Variants in NUP37 observed in about 807,000 individuals in gnomAD.
NUP37 encodes the protein nucleoporin Nup37.
Under a neutral mutation model 45.4 loss-of-function variants are expected in NUP37, and 33 were observed. The observed-to-expected ratio is 0.73, with a 90% CI of 0.55 to 0.97. The LOEUF (loss-of-function observed/expected upper bound fraction) is 0.97. Among genes scored for constraint, NUP37 ranks in the 50% least tolerant of loss-of-function variants. The pLI, the probability that NUP37 is intolerant of heterozygous loss-of-function variation, is 0.00. For synonymous variants in NUP37, 127 were observed against 130.7 expected (o/e 0.97, Z 0.19); for missense variants, 365 against 389.7 (o/e 0.94, Z 0.53).
In NUP37 at chr12:102,099,191, C is replaced by T. The variant is rs778176628; in HGVS notation, c.364G>A (p.Gly122Ser). Residue 122 changes from glycine to serine, a missense_variant, in exon 5 of 10, where the codon GGC (glycine) becomes AGC (serine). By Grantham distance (56) the Gly-to-Ser change is moderately conservative. Transcript: ENST00000552283. ...AAACCATTAATGAAATCGGTATGGC[C>T]CTCTAAAACCTGACAGAAAGAGAAA... ...QDKNEYKVLEGHTDFINGLVF... is the reference protein window; with the variant it reads ...QDKNEYKVLESHTDFINGLVF... 1 of 1,607,916 alleles carries T rather than the reference C, an allele frequency of 6.2e-7. No individual in the cohort carries two copies. The highest frequency in any genetic ancestry group is 1.1e-5 in the South Asian group (1 of 90,872).
chr12:102,106,329 A>G (rs1880154238), intron 3 of NUP37, among the ~76,000 whole-genome samples: 1 of 152,256 alleles, frequency 6.6e-6, no homozygotes, highest in East Asian at 1.9e-4. Context: ...ATACAAATAT[A>G]TGACTGTTTC....
chr12:102,076,228 T>C (rs1253063984), intron 8 of NUP37, among the ~76,000 whole-genome samples: 1 of 152,204 alleles, frequency 6.6e-6, no homozygotes, highest in Non-Finnish European at 1.5e-5. Context: ...AATAATGGTA[T>C]CCCTAAGTTC....
chr12:102,102,430 G>A (rs1879999548), intron 3 of NUP37, among the ~76,000 whole-genome samples: 1 of 152,174 alleles, frequency 6.6e-6, no homozygotes, highest in Non-Finnish European at 1.5e-5. Flanking sequence ...GTCTACTCAG[G>A]TTCTTTGCCC....
At position 102,078,165 on chromosome 12, in the gene NUP37, TA is replaced by T. The variant is rs781351728; in HGVS notation, c.541-663del. On this transcript the variant is annotated intron_variant, in intron 6 of 9. Transcript: ENST00000552283. ...CAACATGGTGAAACCCCGTCTCTAC[TA>T]AAAAAAAAAAAAAAATTAGCCGGTT... Among the ~76,000 whole-genome samples the T allele has an allele frequency of 9.1e-3, 1,227 of 134,664 alleles. 4 individuals are homozygous for T. Among genetic ancestry groups the T allele is most frequent in the Middle Eastern group, 0.025 (7 of 278 alleles). 88.3% of individuals were successfully genotyped at this position (134,664 alleles called of 152,430 possible).
chr12:102,116,103 T>A (rs1430451995), intron 2 of NUP37, among the ~76,000 whole-genome samples: 1 of 152,208 alleles, frequency 6.6e-6, no homozygotes, highest in Non-Finnish European at 1.5e-5. Flanking sequence ...AGACAATACA[T>A]GTGACCATAA....
intron 5 of NUP37, among the ~76,000 whole-genome samples, chr12:102,098,135 A>G (rs1879861643): frequency 6.6e-6 from 1 of 152,110 alleles, no homozygotes; most frequent in Non-Finnish European, 1.5e-5. Flanking sequence ...AAAGCAAATG[A>G]AGCAACTGAC....
intron 5 of NUP37, among the ~76,000 whole-genome samples, chr12:102,086,513 C>A (rs1323304069): frequency 6.6e-6 from 1 of 152,224 alleles, no homozygotes; most frequent in Non-Finnish European, 1.5e-5. Flanking sequence ...TCTTCCTGTT[C>A]TCACTTTCCT....
chr12:102,113,449 T>C (rs1880372804), intron 2 of NUP37, among the ~76,000 whole-genome samples: 1 of 152,338 alleles, frequency 6.6e-6, no homozygotes, highest in East Asian at 1.9e-4. Context: ...ATCCATCTTA[T>C]TACTCTTTAT....
chr12:102,074,129 T>C lies in NUP37; in HGVS notation c.*225A>G. On this transcript the variant is annotated 3_prime_UTR_variant, in exon 10 of 10. Coordinates refer to ENST00000552283, the MANE Select transcript of NUP37 (RefSeq NM_024057.4). ...CTCTGGAGGTGAGCTGCTGAGTCAA[T>C]ATGATTTTGTAAGATTAAAAATATA... The C allele has an allele frequency of 3.7e-6, 1 of 268,872 alleles. No homozygotes were observed. Among genetic ancestry groups the C allele is most frequent in the Non-Finnish European group, 6.8e-6 (1 of 146,062 alleles). The allele number at this position is 268,872 out of a possible 1,614,324, so 16.7% of individuals were successfully genotyped here.
chr12:102,094,278 A>G (rs1879740629), intron 5 of NUP37, among the ~76,000 whole-genome samples: 1 of 152,122 alleles, frequency 6.6e-6, no homozygotes, highest in Non-Finnish European at 1.5e-5. Context: ...GTTTTAGAAG[A>G]CAAGCAGGGA....
At chr12:102,081,876 AG>A (rs1241429378) in intron 6 of NUP37, among the ~76,000 whole-genome samples, 3 of 151,952 alleles carry the variant, frequency 2.0e-5, no homozygotes, top group Non-Finnish European at 4.4e-5. Flanking sequence ...TTTTTAGTAG[AG>A]ATGAGAGATG....
intron 3 of NUP37, among the ~76,000 whole-genome samples, chr12:102,105,393 A>G (rs1880108431): frequency 6.6e-6 from 1 of 151,626 alleles, no homozygotes; most frequent in Non-Finnish European, 1.5e-5. Context: ...AGCCGGGTGC[A>G]GTGGCGTGTG....
chr12:102,092,887 A>G (rs1175939471), intron 5 of NUP37, among the ~76,000 whole-genome samples: 2 of 152,258 alleles, frequency 1.3e-5, no homozygotes, highest in East Asian at 3.9e-4. Flanking sequence ...GGATACTTTC[A>G]GTGTGTGTGT....
chr12:102,093,945 A>G (rs1362112386), intron 5 of NUP37, among the ~76,000 whole-genome samples: 1 of 152,134 alleles, frequency 6.6e-6, no homozygotes, highest in Non-Finnish European at 1.5e-5. Flanking sequence ...ATCAGCTACT[A>G]GAGAGTGATT....
intron 6 of NUP37, among the ~76,000 whole-genome samples, chr12:102,082,549 A>G (rs1879359611): frequency 6.6e-6 from 1 of 152,226 alleles, no homozygotes; most frequent in South Asian, 2.1e-4. Context: ...TAGCACATTT[A>G]ATCTTATGTA....
intron 3 of NUP37, among the ~76,000 whole-genome samples, chr12:102,111,089 A>C (rs1306397246): frequency 2.0e-5 from 3 of 152,222 alleles, no homozygotes; most frequent in African/African-American, 7.2e-5. Flanking sequence ...ATGAATAAAC[A>C]GACTATGGTC....
chr12:102,091,399 C>CAAAAAAAAA (rs1163474160), intron 5 of NUP37, among the ~76,000 whole-genome samples: 1 of 37,800 alleles, frequency 2.6e-5, no homozygotes, highest in African/African-American at 1.1e-4. Context: ...GACTCCGTCT[C>CAAAAAAAAA]AAAAAAAAAA....
rs1441289050 is a variant in NUP37 at position 102,074,006 on chromosome 12, G to A, written c.*348C>T. On this transcript the variant is annotated 3_prime_UTR_variant, in exon 10 of 10. Transcript: ENST00000552283. ...TTGATAAATGTGTCCCTGAGAATTA[G>A]AAAAACAGCATATACTCAAAGTATA... 1 of 153,620 alleles carries A rather than the reference G, an allele frequency of 6.5e-6. No homozygotes were observed. The highest frequency in any genetic ancestry group is 2.4e-5 in the African/African-American group (1 of 41,386). 9.5% of individuals were successfully genotyped at this position (153,620 alleles called of 1,614,324 possible). A position where few individuals can be genotyped will look rare whatever the true frequency, so the allele number is the denominator to read the frequency against.
At chr12:102,087,959 A>T (rs1280023618) in intron 5 of NUP37, among the ~76,000 whole-genome samples, 1 of 152,206 alleles carries the variant, frequency 6.6e-6, no homozygotes, top group East Asian at 1.9e-4. Flanking sequence ...TTTTATCCTG[A>T]ACAGAACCTG....
Sources: allele counts gnomAD v4.1 joint callset (sites outside exome capture counted in the v4.1 genomes callset), GRCh38; gene constraint gnomAD v4.1.1; transcripts MANE v1.5; gene names NCBI Gene and HGNC (gene_info 2026-07-23, HGNC 2026-07-21).